AP4E1: variants seen among roughly 807,000 people sequenced by gnomAD.
AP4E1 encodes the protein adaptor related protein complex 4 subunit epsilon 1, also known as AP-4 complex subunit epsilon-1.
A neutral mutation model predicts 128.2 loss-of-function variants in AP4E1; 56 were observed. The observed-to-expected ratio is 0.44, with a 90% confidence interval of 0.35 to 0.55. The LOEUF (loss-of-function observed/expected upper bound fraction) is 0.55. Ranked by LOEUF, AP4E1 falls within the 20% of genes least tolerant of loss-of-function variation. The pLI, the probability that AP4E1 is intolerant of heterozygous loss-of-function variation, is 0.00. For synonymous variants in AP4E1, 484 were observed against 473.1 expected, an observed-to-expected ratio of 1.02 and a Z score of -0.30; for missense variants, 1,324 against 1,307.7, an observed-to-expected ratio of 1.01 and a Z score of -0.19.
At chr15:50,992,954 T>C (rs1333582197) in intron 16 of AP4E1, among the ~76,000 whole-genome samples, 4 of 152,230 alleles carry the variant, frequency 2.6e-5, no homozygotes, top group Non-Finnish European at 5.9e-5. Context: ...TTTTACTTAA[T>C]GAATTTATAT....
chr15:50,959,803 C>T (rs916728531), intron 14 of AP4E1, among the ~76,000 whole-genome samples: 4 of 152,076 alleles, frequency 2.6e-5, no homozygotes, highest in African/African-American at 9.7e-5. Flanking sequence ...TTAATGAAAA[C>T]AGTTTAAATT....
chr15:50,943,372 A>G (rs2064013586), intron 10 of AP4E1, among the ~76,000 whole-genome samples: 1 of 152,188 alleles, frequency 6.6e-6, no homozygotes, highest in African/African-American at 2.4e-5. Context: ...TTAAATTTTA[A>G]AAGGCATTTG....
rs745941167 is a variant in AP4E1 at position 50,924,023 on chromosome 15, G to C, written c.420+19G>C. Reference sequence around the variant, plus strand: ...TGTAAAGGTATTGTATTGTATGTTGGTTAATATGAAGTCATAATTCTTGTC... The same window carrying C: ...TGTAAAGGTATTGTATTGTATGTTGCTTAATATGAAGTCATAATTCTTGTC... On this transcript the variant is annotated intron_variant, in intron 4 of 20. Transcript: ENST00000261842. 17 of 1,578,482 alleles carry C rather than the reference G, an allele frequency of 1.1e-5. No individual in the cohort carries two copies. In the South Asian group the frequency reaches 1.6e-4, roughly 14 times the overall value.
chr15:50,957,065 T>G lies in AP4E1; in HGVS notation c.1549-1427T>G, dbSNP rs116487564. 4.6e-3 allele frequency among the ~76,000 whole-genome samples: 696 copies of G among 152,302 alleles called. 7 individuals carry two copies. Among genetic ancestry groups the G allele is most frequent in the African/African-American group, 0.016 (652 of 41,570 alleles). On this transcript the variant is annotated intron_variant, in intron 13 of 20. Transcript: ENST00000261842. ...TGAAGCCCCATTGAGCATGTTACAG[T>G]GCTCTTTTAGCTCTGTCATCAGCAG... is the stretch of plus-strand genomic sequence containing the variant.
chr15:50,926,326 C>CA (rs1001668124), intron 5 of AP4E1, among the ~76,000 whole-genome samples: 18 of 151,596 alleles, frequency 1.2e-4, no homozygotes, highest in African/African-American at 4.4e-4. Context: ...TTAGTGGAGG[C>CA]AGGGTTTCAC....
At chr15:51,000,887 T>C in intron 19 of AP4E1, 139 bp from the exon 20 acceptor site, 1 of 661,432 alleles carries the variant, frequency 1.5e-6, no homozygotes, top group Non-Finnish European at 2.6e-6. Flanking sequence ...ATTTTTAGCA[T>C]ATTTGGTTTA....
chr15:50,971,005 T>C (rs987110526), intron 15 of AP4E1, among the ~76,000 whole-genome samples: 2 of 152,200 alleles, frequency 1.3e-5, no homozygotes, highest in African/African-American at 2.4e-5. Flanking sequence ...AAGGTTTGAT[T>C]CCTTTCTTTT....
At chr15:50,945,051 A>G in intron 10 of AP4E1, 1 of 779,712 alleles carries the variant, frequency 1.3e-6, no homozygotes, top group South Asian at 1.3e-5. Flanking sequence ...TGGTGGTGAC[A>G]AAACTGTGAA....
chr15:50,956,607 C>T (rs183044037), intron 13 of AP4E1, among the ~76,000 whole-genome samples: 16 of 152,190 alleles, frequency 1.1e-4, no homozygotes, highest in Non-Finnish European at 2.2e-4. Context: ...GAGAATGAAG[C>T]CAAGTGAAAG....
At chr15:50,915,866 T>C in intron 3 of AP4E1, 1 of 310,488 alleles carries the variant, frequency 3.2e-6, no homozygotes, top group South Asian at 3.6e-5. Flanking sequence ...ATTTTTTGTA[T>C]ATAAATTATA....
At chr15:50,929,291 C>G in intron 6 of AP4E1, 123 bp downstream of exon 6, 1 of 1,091,138 alleles carries the variant, frequency 9.2e-7, no homozygotes, top group Non-Finnish European at 1.3e-6. Flanking sequence ...TATTATTGAC[C>G]TTTGAATTAG....
In AP4E1 at chr15:51,003,105, A is replaced by T. The variant is rs1280043738; in HGVS notation, c.*443A>T. On this transcript the variant is annotated 3_prime_UTR_variant, in exon 21 of 21. Coordinates refer to ENST00000261842, the MANE Select transcript of AP4E1 (RefSeq NM_007347.5). ...CATATTTGGCTTTGGAATGTAGTGT[A>T]TGGTTTTTGGTAGGGAAGTCAATAT... 1 of 203,502 alleles carries T rather than the reference A, an allele frequency of 4.9e-6. No homozygotes were observed. The highest frequency in any genetic ancestry group is 2.4e-5 in the African/African-American group (1 of 42,244). 12.6% of individuals were successfully genotyped at this position (203,502 alleles called of 1,614,324 possible). A position where few individuals can be genotyped will look rare whatever the true frequency, so the allele number is the denominator to read the frequency against.
chr15:51,001,297 C>T, intron 20 of AP4E1, 114 bp downstream of exon 20: 2 of 998,122 alleles, frequency 2.0e-6, no homozygotes, highest in Non-Finnish European at 3.0e-6. Flanking sequence ...CCTATTATGA[C>T]TGTCTTTCAG....
At chr15:50,973,283 C>CTAAA (rs2064507704) in intron 15 of AP4E1, among the ~76,000 whole-genome samples, 2 of 152,148 alleles carry the variant, frequency 1.3e-5, no homozygotes, top group African/African-American at 4.8e-5. Context: ...AAGACAACAA[C>CTAAA]TAAACTGTTG....
intron 16 of AP4E1, among the ~76,000 whole-genome samples, chr15:50,992,247 T>C (rs2064815865): frequency 6.6e-6 from 1 of 152,160 alleles, no homozygotes; most frequent in Non-Finnish European, 1.5e-5. Flanking sequence ...TGACTGTTTA[T>C]GTTATTAGTA....
chr15:51,002,399 A>G (rs2064975163), intron 20 of AP4E1, 103 bp from the exon 21 acceptor site: 1 of 1,221,210 alleles, frequency 8.2e-7, no homozygotes, highest in African/African-American at 1.5e-5. Flanking sequence ...AGTGATATTG[A>G]GTATCTTTTC....
chr15:50,985,118 GTC>G (rs1325235903), intron 16 of AP4E1, among the ~76,000 whole-genome samples: 1 of 152,152 alleles, frequency 6.6e-6, no homozygotes, highest in Non-Finnish European at 1.5e-5. Flanking sequence ...TTTGAGAAGT[GTC>G]TGTTCATATC....
chr15:50,979,390 G>C (rs984732123), intron 15 of AP4E1, among the ~76,000 whole-genome samples: 1 of 152,202 alleles, frequency 6.6e-6, no homozygotes, highest in African/African-American at 2.4e-5. Flanking sequence ...ACAAGAGTGA[G>C]TTTGGCCCTC....
chr15:50,964,496 A>T, intron 14 of AP4E1, among the ~76,000 whole-genome samples: 1 of 139,572 alleles, frequency 7.2e-6, no homozygotes, highest in Non-Finnish European at 1.6e-5. Context: ...GGGATCTGTC[A>T]CTGGAGAGTT....
Sources: allele counts gnomAD v4.1 joint callset (sites outside exome capture counted in the v4.1 genomes callset), GRCh38; gene constraint gnomAD v4.1.1; transcripts MANE v1.5; gene names NCBI Gene and HGNC (gene_info 2026-07-23, HGNC 2026-07-21).